The following ARSK variants were observed in gnomAD, a reference collection of about 807,000 sequenced individuals.
ARSK encodes arylsulfatase K.
ARSK carries 37 observed loss-of-function variants against 53.2 expected under a neutral mutation model. That is an observed-to-expected ratio of 0.70 (90% CI 0.54 to 0.92). The LOEUF (loss-of-function observed/expected upper bound fraction) is 0.92, where lower values mean the gene tolerates loss of function less well. Ranked by LOEUF, ARSK falls within the 40% of genes least tolerant of loss-of-function variation. The pLI is 0.00. For missense variants in ARSK, 613 were observed against 643.0 expected (o/e 0.95, Z 0.51); for synonymous variants, 208 against 223.2 (o/e 0.93, Z 0.61).
rs751819599 is a variant in ARSK at position 95,555,389 on chromosome 5, C to T, written c.111C>T (p.Val37=). The T allele has an allele frequency of 1.2e-6, 2 of 1,607,042 alleles. No homozygotes were observed. Among genetic ancestry groups the T allele is most frequent in the Admixed American group, 1.7e-5 (1 of 59,742 alleles). ...CCAAAGCGCCCAATGTGGTGCTGGT[C>T]GTGAGCGACTCCTTCGTAAGTACCG... ...RAAKAPNVVL[V]VSDSFDGRLT... is the part of the protein sequence containing the mutation. Residue 37 remains valine, a synonymous_variant, in exon 1 of 8, where the codon GTC becomes GTT. Transcript: ENST00000380009. The surrounding 1 kb of genome is among the most constrained non-coding windows in gnomAD (Gnocchi z 4.0).
intron 3 of ARSK, among the ~76,000 whole-genome samples, chr5:95,573,307 A>G (rs1175387734): frequency 6.6e-6 from 1 of 152,222 alleles, no homozygotes; most frequent in Non-Finnish European, 1.5e-5. Flanking sequence ...TTGATTTTAT[A>G]CGGAAAATTT....
intron 6 of ARSK, chr5:95,600,516 A>T (rs1749383613): frequency 2.3e-6 from 1 of 425,760 alleles, no homozygotes; most frequent in Non-Finnish European, 4.5e-6. Context: ...GAAGGCTCCT[A>T]TCTGCCAGGC....
Position 95,601,072 on chromosome 5 carries a change from G to A in ARSK, c.1321+1G>A, listed in dbSNP as rs1749395420. On this transcript the variant is annotated splice_donor_variant, in intron 7 of 7. Coordinates refer to ENST00000380009, the MANE Select transcript of ARSK (RefSeq NM_198150.3). LOFTEE classifies it high-confidence loss of function. ...GCATCAATATTGCCTCAACTCTTTG[G>A]TAAGTTTGTTAATATATTTTTAAGT... 4 of 1,608,904 alleles carry A rather than the reference G, an allele frequency of 2.5e-6. No individual in the cohort carries two copies. The highest frequency in any genetic ancestry group is 2.6e-6 in the Non-Finnish European group (3 of 1,175,456).
At chr5:95,593,405 T>C (rs998967150) in intron 6 of ARSK, among the ~76,000 whole-genome samples, 2 of 152,228 alleles carry the variant, frequency 1.3e-5, no homozygotes, top group South Asian at 2.1e-4. Flanking sequence ...CAGTGAGCCC[T>C]ATTCAATTCT....
chr5:95,567,509 A>G (rs952374454), intron 2 of ARSK, among the ~76,000 whole-genome samples: 1 of 152,244 alleles, frequency 6.6e-6, no homozygotes, highest in African/African-American at 2.4e-5. Flanking sequence ...ATCCTTAAGG[A>G]TGTTGGGGAA....
Position 95,582,118 on chromosome 5 carries a change from A to G in ARSK, c.417-798A>G, listed in dbSNP as rs10072001. On this transcript the variant is annotated intron_variant, in intron 3 of 7. Transcript: ENST00000380009. ...CTGGATTTTTAAAACACTTTTCTCAATTGATAGATCACTTCAGAGATACCT... is the reference window on the plus strand; with the variant it reads ...CTGGATTTTTAAAACACTTTTCTCAGTTGATAGATCACTTCAGAGATACCT... 6.4e-3 allele frequency among the ~76,000 whole-genome samples: 968 copies of G among 152,170 alleles called. 9 individuals carry two copies. Among genetic ancestry groups the G allele is most frequent in the African/African-American group, 0.022 (917 of 41,532 alleles).
At chr5:95,567,239 A>G (rs999388742) in intron 2 of ARSK, among the ~76,000 whole-genome samples, 3 of 152,224 alleles carry the variant, frequency 2.0e-5, no homozygotes. Context: ...AAGCAAGGTC[A>G]AATAATTTGT....
chr5:95,601,294 G>A (rs1351357740), intron 7 of ARSK, among the ~76,000 whole-genome samples: 1 of 152,176 alleles, frequency 6.6e-6, no homozygotes, highest in Non-Finnish European at 1.5e-5. Context: ...TGGGTCTCAT[G>A]ACTGAAACCA....
At chr5:95,587,905 CAAA>C (rs753471404) in intron 5 of ARSK, among the ~76,000 whole-genome samples, 5 of 82,318 alleles carry the variant, frequency 6.1e-5, no homozygotes, top group Admixed American at 1.4e-4. Flanking sequence ...GACTACGTCT[CAAA>C]AAAAAAAAAA....
intron 3 of ARSK, among the ~76,000 whole-genome samples, chr5:95,572,087 C>T (rs1748840743): frequency 6.6e-6 from 1 of 152,130 alleles, no homozygotes; most frequent in African/African-American, 2.4e-5. Context: ...CTTTTTTAGG[C>T]ATCAGCGATG....
At chr5:95,570,469 C>A (rs78154649) in intron 3 of ARSK, among the ~76,000 whole-genome samples, 2 of 152,194 alleles carry the variant, frequency 1.3e-5, no homozygotes, top group East Asian at 3.9e-4. Flanking sequence ...AGTCAGATAC[C>A]CAGCTTCCCT....
At chr5:95,575,344 TTTTG>T (rs142056115) in intron 3 of ARSK, among the ~76,000 whole-genome samples, 9,083 of 152,152 alleles carry the variant, frequency 0.06, 328 homozygotes, top group East Asian at 0.11. Flanking sequence ...TTTTGTTGTT[TTTTG>T]TTTGTTTGTT....
chr5:95,560,802 CTTTTTTTTTTTT>C (rs70978188), intron 1 of ARSK, among the ~76,000 whole-genome samples: 2 of 108,276 alleles, frequency 1.8e-5, no homozygotes, highest in Non-Finnish European at 3.8e-5. Context: ...GGCAAAAGAT[CTTTTTTTTTTTT>C]TTTTTTTTGA....
At chr5:95,566,359 C>T (rs1293722189) in intron 2 of ARSK, among the ~76,000 whole-genome samples, 2 of 151,986 alleles carry the variant, frequency 1.3e-5, no homozygotes, top group African/African-American at 2.4e-5. Flanking sequence ...CATGTGTTAC[C>T]GTTTTATTTC....
intron 1 of ARSK, among the ~76,000 whole-genome samples, chr5:95,562,861 T>C (rs1322455338): frequency 1.3e-5 from 2 of 152,238 alleles, no homozygotes; most frequent in Non-Finnish European, 2.9e-5. Context: ...TAGTAAGTTA[T>C]AGAAGTTATA....
At chr5:95,578,901 A>C (rs1748974338) in intron 3 of ARSK, among the ~76,000 whole-genome samples, 1 of 152,256 alleles carries the variant, frequency 6.6e-6, no homozygotes, top group Admixed American at 6.5e-5. Flanking sequence ...TGGCAAATAT[A>C]CAAATTTATG....
intron 6 of ARSK, among the ~76,000 whole-genome samples, chr5:95,600,382 A>G (rs956811941): frequency 5.9e-5 from 9 of 152,234 alleles, no homozygotes; most frequent in African/African-American, 1.9e-4. Context: ...TTGCAAACAT[A>G]TAAGACTACT....
chr5:95,601,629 A>G (rs1429110692), intron 7 of ARSK, among the ~76,000 whole-genome samples: 1 of 152,178 alleles, frequency 6.6e-6, no homozygotes, highest in African/African-American at 2.4e-5. Flanking sequence ...TCACTACTCT[A>G]TGAATTAATT....
chr5:95,584,410 A>G (rs1440039427), intron 4 of ARSK, among the ~76,000 whole-genome samples: 3 of 152,226 alleles, frequency 2.0e-5, no homozygotes, highest in African/African-American at 7.2e-5. Context: ...CTACCGGGGT[A>G]ATTTTGTTAG....
Sources: allele counts gnomAD v4.1 joint callset (sites outside exome capture counted in the v4.1 genomes callset), GRCh38; gene constraint gnomAD v4.1.1; non-coding constraint Gnocchi (gnomAD v3.1); transcripts MANE v1.5; gene names NCBI Gene and HGNC (gene_info 2026-07-23, HGNC 2026-07-21).